GNAI2: variants seen among roughly 807,000 people sequenced by gnomAD.
GNAI2 encodes the protein G protein subunit alpha i2.
GNAI2 carries 4 observed loss-of-function variants against 36.8 expected under a neutral mutation model. The ratio of observed to expected loss-of-function variants is 0.11; its 90% confidence interval spans 0.05 to 0.25. GNAI2 has a LOEUF of 0.25. Among genes scored for constraint, GNAI2 ranks in the 10% least tolerant of loss-of-function variants. The pLI is 1.00. For synonymous variants in GNAI2, 194 were observed against 194.1 expected (o/e 1.00, Z 0.01); for missense variants, 230 against 481.3 (o/e 0.48, Z 4.89).
Position 50,236,566 on chromosome 3 carries a change from C to T in GNAI2, c.118+113C>T. ...TCCCAGACCCGGGCTGTCTGGGACC[C>T]CACACCTGGGCCAGGACCAGGGTTG... is the stretch of plus-strand genomic sequence containing the variant. On this transcript the variant is annotated intron_variant, in intron 1 of 8. Coordinates refer to ENST00000313601, the MANE Select transcript of GNAI2 (RefSeq NM_002070.4). The surrounding 1 kb of genome is among the most constrained non-coding windows in gnomAD (Gnocchi z 4.0). The T allele has an allele frequency of 4.3e-6, 6 of 1,396,894 alleles. No individual in the cohort carries two copies. Among genetic ancestry groups the T allele is most frequent in the Non-Finnish European group, 5.7e-6 (6 of 1,060,978 alleles). The allele number at this position is 1,396,894 out of a possible 1,614,324, so 86.5% of individuals were successfully genotyped here.
At chr3:50,245,618 A>G (rs935063394) in intron 1 of GNAI2, among the ~76,000 whole-genome samples, 2 of 152,232 alleles carry the variant, frequency 1.3e-5, no homozygotes, top group Admixed American at 6.5e-5. Flanking sequence ...CGTCTTGTCC[A>G]GCACCTCCTG....
chr3:50,228,887 T>C (rs1360806819), upstream of GNAI2, among the ~76,000 whole-genome samples: 2 of 152,210 alleles, frequency 1.3e-5, no homozygotes, highest in Non-Finnish European at 2.9e-5. Context: ...GGCAGAGCGA[T>C]GCTTGTGCGT....
intron 1 of GNAI2, chr3:50,251,553 G>A (rs1700556616): frequency 8.4e-7 from 1 of 1,184,044 alleles, no homozygotes; most frequent in Admixed American, 3.6e-5. Flanking sequence ...CCTGAGCGCA[G>A]TGAGCAGAGG....
chr3:50,243,090 C>T (rs1700330692), intron 1 of GNAI2, among the ~76,000 whole-genome samples: 1 of 152,140 alleles, frequency 6.6e-6, no homozygotes, highest in South Asian at 2.1e-4. Context: ...GCCCAAGGGC[C>T]CCCCAGGGCT....
rs1389975512 is a variant in GNAI2 at position 50,255,903 on chromosome 3, T to C, written c.465-289T>C. Among the ~76,000 whole-genome samples, 2 of 151,382 alleles carry C rather than the reference T, an allele frequency of 1.3e-5. No individual in the cohort carries two copies. Among genetic ancestry groups the C allele is most frequent in the Admixed American group, 6.6e-5 (1 of 15,220 alleles). On this transcript the variant is annotated intron_variant, in intron 4 of 8. Transcript: ENST00000313601. The surrounding 1 kb of genome is among the most constrained non-coding windows in gnomAD (Gnocchi z 4.0). Reference sequence around the variant, plus strand: ...CCGTCTCTACTAAAAATACAAAAATTAGCTGGGCGGCAGGCGCCTGTAGTC... The same window carrying C: ...CCGTCTCTACTAAAAATACAAAAATCAGCTGGGCGGCAGGCGCCTGTAGTC...
At position 50,253,030 on chromosome 3, in the gene GNAI2, G is replaced by A. The variant is rs781957608; in HGVS notation, c.310G>A (p.Ala104Thr). The A allele has an allele frequency of 1.9e-6, 3 of 1,584,222 alleles. No individual in the cohort carries two copies. The highest frequency in any genetic ancestry group is 1.3e-5 in the African/African-American group (1 of 74,418). ...CACCCGCCACTGTGCCCAGGACGACGCCAGGCAGCTATTTGCACTGTCCTG... is the reference window on the plus strand; with the variant it reads ...CACCCGCCACTGTGCCCAGGACGACACCAGGCAGCTATTTGCACTGTCCTG... ...DFADPSRADD[A>T]RQLFALSCTA... The change falls in exon 4 of 9, where the codon GCC becomes ACC. Residue 104 changes from alanine to threonine, a missense_variant. Ala to Thr is a moderately conservative substitution (Grantham distance 58). Around this residue, in one of 4 missense-constraint regions of GNAI2, gnomAD observed 132 missense variants for 247.4 expected, o/e 0.53. Coordinates refer to ENST00000313601, the MANE Select transcript of GNAI2 (RefSeq NM_002070.4). The surrounding 1 kb of genome is among the most constrained non-coding windows in gnomAD (Gnocchi z 4.2).
chr3:50,256,186 C>T lies in GNAI2; in HGVS notation c.465-6C>T. ...CCCCACTGACCCTCCCACCCCCCAT[C>T]CCCAGCTACCTGAACGACCTGGAGC... On this transcript the variant is annotated splice_region_variant and splice_polypyrimidine_tract_variant and intron_variant, in intron 4 of 8. Transcript: ENST00000313601. 3 of 920,290 alleles carry T rather than the reference C, an allele frequency of 3.3e-6. No individual in the cohort carries two copies. Among genetic ancestry groups the T allele is most frequent in the Admixed American group, 1.9e-5 (1 of 52,710 alleles). The allele number at this position is 920,290 out of a possible 1,614,324, so 57.0% of individuals were successfully genotyped here. A position where few individuals can be genotyped will look rare whatever the true frequency, so the allele number is the denominator to read the frequency against.
intron 1 of GNAI2, among the ~76,000 whole-genome samples, chr3:50,244,898 C>T (rs895006117): frequency 6.6e-6 from 1 of 152,194 alleles, no homozygotes; most frequent in Non-Finnish European, 1.5e-5. Context: ...CTCATGGCCA[C>T]CCAAGACTGT....
intron 1 of GNAI2, among the ~76,000 whole-genome samples, chr3:50,243,478 T>TG (rs1477013281): frequency 2.0e-5 from 3 of 152,204 alleles, no homozygotes; most frequent in Non-Finnish European, 4.4e-5. Flanking sequence ...TTTCCCCTGC[T>TG]GGGGGGCGGA....
chr3:50,251,996 G>A, intron 1 of GNAI2, 104 bp from the exon 2 acceptor site: 1 of 1,149,412 alleles, frequency 8.7e-7, no homozygotes, highest in Non-Finnish European at 1.3e-6. Context: ...CAGCTGGTGG[G>A]AAGGTTAGTT....
chr3:50,256,044 CAAAAAAA>C (rs1170893603), intron 4 of GNAI2, 141 bp from the exon 5 acceptor site: 190 of 142,542 alleles, frequency 1.3e-3, no homozygotes, highest in African/African-American at 4.3e-3. Flanking sequence ...CACTCTGTCT[CAAAAAAA>C]AAAAAAAAAA....
rs587716994 is a variant in GNAI2, at chr3:50,253,263, C to A, written c.464+79C>A. 2 of 1,161,262 alleles carry A rather than the reference C, an allele frequency of 1.7e-6. No individual in the cohort carries two copies. The highest frequency in any genetic ancestry group is 2.0e-5 in the Admixed American group (1 of 48,844). The allele number at this position is 1,161,262 out of a possible 1,614,324, so 71.9% of individuals were successfully genotyped here. On this transcript the variant is annotated intron_variant, in intron 4 of 8. Transcript: ENST00000313601. The surrounding 1 kb of genome is among the most constrained non-coding windows in gnomAD (Gnocchi z 4.2). ...AGGCTGGACCGGAGGGCCTGAGAAC[C>A]CCCAGAAGGACACTGCTGGTCTTTG...
At chr3:50,243,170 T>C (rs1002340620) in intron 1 of GNAI2, among the ~76,000 whole-genome samples, 1 of 152,242 alleles carries the variant, frequency 6.6e-6, no homozygotes, top group African/African-American at 2.4e-5. Context: ...TGGGCCATTC[T>C]AGTGGCGGTC....
In GNAI2 at chr3:50,256,771, C is replaced by T. The variant is rs1553703247; in HGVS notation, c.642C>T (p.His214=). 24 of 1,614,012 alleles carry T rather than the reference C, an allele frequency of 1.5e-5. No homozygotes were observed. Among genetic ancestry groups the T allele is most frequent in the Non-Finnish European group, 1.9e-5 (22 of 1,179,968 alleles). The change falls in exon 6 of 9, where the codon CAC becomes CAT. Residue 214 remains histidine (H), a synonymous_variant. Transcript: ENST00000313601. ...GQRSERKKWI[H]CFEGVTAIIF... is the part of the protein sequence containing the mutation. ...GGTCTGAGCGGAAGAAGTGGATCCA[C>T]TGCTTTGAGGGCGTCACAGCCATCA...
upstream of GNAI2, among the ~76,000 whole-genome samples, chr3:50,233,991 G>T (rs587716307): frequency 2.7e-5 from 4 of 149,964 alleles, no homozygotes; most frequent in South Asian, 8.4e-4. Flanking sequence ...CAGTTCCCAG[G>T]TTCAAGTGAT....
intron 5 of GNAI2, 169 bp downstream of exon 5, chr3:50,256,489 C>A: frequency 1.4e-6 from 1 of 721,076 alleles, no homozygotes; most frequent in Non-Finnish European, 2.4e-6. Context: ...GGATCCACGC[C>A]ACCTCTGCCA....
intron 8 of GNAI2, 194 bp downstream of exon 8, chr3:50,257,908 G>A (rs1405218924): frequency 2.0e-6 from 1 of 490,202 alleles, no homozygotes; most frequent in African/African-American, 1.9e-5. Context: ...CATGGAGGAG[G>A]TCATACAAGC....
rs1700673783 is a variant in GNAI2, at chr3:50,255,575, C to T, written c.465-617C>T. Among the ~76,000 whole-genome samples, 1 of 152,194 alleles carries T rather than the reference C, an allele frequency of 6.6e-6. No homozygotes were observed. The highest frequency in any genetic ancestry group is 6.5e-5 in the Admixed American group (1 of 15,288). On this transcript the variant is annotated intron_variant, in intron 4 of 8. Transcript: ENST00000313601. This position sits in a 1 kb window ranked among gnomAD's most constrained non-coding sequence, Gnocchi z 4.0. ...CCACCCTCTTTGCCTATAGCTCCAA[C>T]ATCCTGGATCCTGTCCGAGGCAGGT...
upstream of GNAI2, chr3:50,227,271 CAG>C: frequency 1.3e-6 from 1 of 766,686 alleles, no homozygotes; most frequent in Non-Finnish European, 1.9e-6. The surrounding 1 kb of genome is among the most constrained non-coding windows in gnomAD (Gnocchi z 5.9). Context: ...TGGGGTGCCA[CAG>C]AGGGCTAGTT....
Sources: gnomAD v4.1 joint callset for allele counts (sites outside exome capture counted in the v4.1 genomes callset) on GRCh38, gnomAD v4.1.1 for gene constraint, gnomAD v4.1.1 regional missense constraint, Gnocchi (gnomAD v3.1) non-coding constraint, MANE v1.5 for transcripts, NCBI Gene and HGNC (gene_info 2026-07-23, HGNC 2026-07-21) for gene names.